NAALADL2: variants seen among roughly 807,000 people sequenced by gnomAD.
NAALADL2 encodes inactive N-acetylated-alpha-linked acidic dipeptidase-like protein 2.
In NAALADL2, 76 loss-of-function variants were observed where a neutral mutation model predicts 87.2. The observed-to-expected ratio is 0.87, with a 90% CI of 0.72 to 1.05. The LOEUF (loss-of-function observed/expected upper bound fraction) is 1.05. NAALADL2 is among the 50% of genes least tolerant of loss of function. The probability of loss-of-function intolerance (pLI) is 0.00; values close to 1 mark genes in which losing one functional copy is unlikely to be tolerated. For missense variants in NAALADL2, 1,089 were observed against 945.8 expected, an observed-to-expected ratio of 1.15 and a Z score of -1.99; for synonymous variants, 354 against 331.0, an observed-to-expected ratio of 1.07 and a Z score of -0.75.
At chr3:174,600,466 C>T (rs902095103) in intron 2 of NAALADL2, among the ~76,000 whole-genome samples, 3 of 152,052 alleles carry the variant, frequency 2.0e-5, no homozygotes, top group Non-Finnish European at 4.4e-5. Flanking sequence ...CTCGAATTCC[C>T]TAACTTCTCT....
At chr3:174,443,804 A>T (rs1206247434) in intron 1 of NAALADL2, among the ~76,000 whole-genome samples, 1 of 151,812 alleles carries the variant, frequency 6.6e-6, no homozygotes, top group Non-Finnish European at 1.5e-5. Context: ...GAGAATATGG[A>T]ATCCTGGAAG....
At chr3:175,041,241 A>C (rs1490397235) in intron 1 of NAALADL2, among the ~76,000 whole-genome samples, 1 of 152,124 alleles carries the variant, frequency 6.6e-6, no homozygotes, top group Non-Finnish European at 1.5e-5. Flanking sequence ...TTAAAAATAT[A>C]TTCAGTATAA....
chr3:175,567,490 T>A (rs139147358), intron 9 of NAALADL2, among the ~76,000 whole-genome samples: 4 of 152,202 alleles, frequency 2.6e-5, no homozygotes, highest in Non-Finnish European at 4.4e-5. Flanking sequence ...CTATACCCGA[T>A]AACAAGATTA....
intron 2 of NAALADL2, among the ~76,000 whole-genome samples, chr3:174,715,131 T>TA (rs1474643850): frequency 6.6e-6 from 1 of 152,174 alleles, no homozygotes; most frequent in African/African-American, 2.4e-5. Flanking sequence ...GATTGCTGCC[T>TA]AGACAAGAAG....
At chr3:175,013,292 TATATA>T (rs1222705428) in intron 1 of NAALADL2, among the ~76,000 whole-genome samples, 936 of 85,484 alleles carry the variant, frequency 0.011, 70 homozygotes, top group African/African-American at 0.059. Flanking sequence ...TATATATATA[TATATA>T]TATATTTTTT....
chr3:175,460,681 C>T (rs1180076679), intron 6 of NAALADL2, among the ~76,000 whole-genome samples: 1 of 152,054 alleles, frequency 6.6e-6, no homozygotes, highest in Non-Finnish European at 1.5e-5. Context: ...AAACTGAAGA[C>T]AGAATCAACA....
At chr3:175,544,909 C>A (rs1031531201) in intron 9 of NAALADL2, among the ~76,000 whole-genome samples, 1 of 152,144 alleles carries the variant, frequency 6.6e-6, no homozygotes, top group Admixed American at 6.5e-5. Flanking sequence ...TCAGCAAAAT[C>A]ATCTCCGGCA....
At chr3:174,816,458 G>T (rs1720828502) in intron 3 of NAALADL2, among the ~76,000 whole-genome samples, 1 of 149,062 alleles carries the variant, frequency 6.7e-6, no homozygotes, top group African/African-American at 2.5e-5. Flanking sequence ...CAGAGGGAGA[G>T]ACTATATAAT....
chr3:175,195,198 A>C (rs943277703), intron 2 of NAALADL2, among the ~76,000 whole-genome samples: 8 of 151,774 alleles, frequency 5.3e-5, no homozygotes, highest in Non-Finnish European at 1.2e-4. Flanking sequence ...TCACTTTTTA[A>C]ATTCATTTAA....
intron 1 of NAALADL2, among the ~76,000 whole-genome samples, chr3:175,026,347 A>G (rs749514098): frequency 9.2e-5 from 14 of 151,938 alleles, no homozygotes; most frequent in Non-Finnish European, 1.8e-4. Flanking sequence ...AGGCCAGAAA[A>G]TATATCTAAA....
intron 4 of NAALADL2, among the ~76,000 whole-genome samples, chr3:175,300,413 T>G (rs1456091319): frequency 6.6e-6 from 1 of 152,204 alleles, no homozygotes. Context: ...TGAATCCATC[T>G]GGTCTTGGGC....
At chr3:175,585,002 T>A (rs1402656133) in intron 10 of NAALADL2, among the ~76,000 whole-genome samples, 1 of 152,124 alleles carries the variant, frequency 6.6e-6, no homozygotes, top group Admixed American at 6.5e-5. Context: ...TTACTGTAAC[T>A]TTTTTACTTT....
chr3:174,711,032 T>G (rs1730574172), intron 2 of NAALADL2, among the ~76,000 whole-genome samples: 1 of 152,164 alleles, frequency 6.6e-6, no homozygotes, highest in Non-Finnish European at 1.5e-5. Context: ...GGGTGATTTT[T>G]CAGTGCAATT....
At chr3:175,544,117 G>A (rs866350473) in intron 9 of NAALADL2, among the ~76,000 whole-genome samples, 1 of 152,124 alleles carries the variant, frequency 6.6e-6, no homozygotes, top group African/African-American at 2.4e-5. Flanking sequence ...CAGGATTCTG[G>A]GCTCAGTTGA....
rs139014040 is a variant in NAALADL2, at chr3:175,541,794, C to T, written c.1654-34247C>T. Among the ~76,000 whole-genome samples the T allele has an allele frequency of 3.1e-3, 466 of 152,244 alleles. 4 individuals carry two copies. Among genetic ancestry groups the T allele is most frequent in the African/African-American group, 0.011 (439 of 41,530 alleles). ...CTAGAGTGCAGTGGCATGATCTCAG[C>T]TCACTGCAACCTTTGCCTCCCAGGT... On this transcript the variant is annotated intron_variant, in intron 9 of 13. Transcript: ENST00000454872.
chr3:174,891,533 G>C (rs1300393430), intron 1 of NAALADL2, among the ~76,000 whole-genome samples: 1 of 152,112 alleles, frequency 6.6e-6, no homozygotes, highest in Non-Finnish European at 1.5e-5. Flanking sequence ...TGAACTCAGT[G>C]CTGTTCTGTT....
chr3:175,433,260 A>G (rs974893417), intron 5 of NAALADL2, among the ~76,000 whole-genome samples: 1 of 152,004 alleles, frequency 6.6e-6, no homozygotes, highest in Non-Finnish European at 1.5e-5. Flanking sequence ...AGAAACATTC[A>G]CAGTGTTGAC....
chr3:174,813,814 C>G (rs1720486771), intron 3 of NAALADL2, among the ~76,000 whole-genome samples: 1 of 152,102 alleles, frequency 6.6e-6, no homozygotes. Flanking sequence ...ATTAGTGTGC[C>G]TGGCTCCCCT....
chr3:174,572,705 G>A (rs1166776110), intron 2 of NAALADL2, among the ~76,000 whole-genome samples: 3 of 152,136 alleles, frequency 2.0e-5, no homozygotes, highest in Non-Finnish European at 2.9e-5. Flanking sequence ...TTTCTATATA[G>A]CACAACAACC....
Sources: allele counts gnomAD v4.1 joint callset (sites outside exome capture counted in the v4.1 genomes callset), GRCh38; gene constraint gnomAD v4.1.1; transcripts MANE v1.5; gene names NCBI Gene and HGNC (gene_info 2026-07-23, HGNC 2026-07-21).